The following NCAM2 variants were observed in gnomAD, a reference collection of about 807,000 sequenced individuals.
NCAM2 encodes neural cell adhesion molecule 2.
In NCAM2, 30 loss-of-function variants were observed where a neutral mutation model predicts 98.1. The observed-to-expected ratio is 0.31, with a 90% CI of 0.23 to 0.41. The LOEUF is 0.41. Among genes scored for constraint, NCAM2 ranks in the 10% least tolerant of loss-of-function variants. NCAM2 has a pLI of 1.00. For missense variants in NCAM2, 867 were observed against 1,005.8 expected (o/e 0.86, Z 1.87); for synonymous variants, 368 against 342.4 (o/e 1.07, Z -0.83).
At chr21:21,317,370 CACTT>C (rs1233759130) in intron 5 of NCAM2, among the ~76,000 whole-genome samples, 2 of 152,120 alleles carry the variant, frequency 1.3e-5, no homozygotes, top group Admixed American at 6.6e-5. Flanking sequence ...GAAATCTTCA[CACTT>C]ACTTATACTT....
intron 3 of NCAM2, 143 bp from the exon 4 acceptor site, chr21:21,286,126 C>G: frequency 1.1e-6 from 1 of 871,696 alleles, no homozygotes; most frequent in Non-Finnish European, 1.7e-6. Context: ...AGTAGATTAT[C>G]TAGTTTAAGA....
At chr21:21,533,299 G>C (rs952637795) in intron 16 of NCAM2, among the ~76,000 whole-genome samples, 3 of 150,434 alleles carry the variant, frequency 2.0e-5, no homozygotes, top group Non-Finnish European at 3.0e-5. Flanking sequence ...CCTTCCTCTA[G>C]TCCCTGGCAA....
intron 1 of NCAM2, among the ~76,000 whole-genome samples, chr21:21,142,778 G>T (rs372233975): frequency 1.3e-5 from 2 of 152,100 alleles, no homozygotes; most frequent in East Asian, 1.9e-4. Flanking sequence ...ACACACATCT[G>T]TATTATATGC....
chr21:21,312,141 G>T (rs537339107), intron 5 of NCAM2, among the ~76,000 whole-genome samples: 1 of 152,018 alleles, frequency 6.6e-6, no homozygotes, highest in African/African-American at 2.4e-5. Context: ...TAAATTTTTT[G>T]GCAGGTGTTT....
At chr21:21,122,227 T>G (rs2066691182) in intron 1 of NCAM2, among the ~76,000 whole-genome samples, 1 of 152,228 alleles carries the variant, frequency 6.6e-6, no homozygotes, top group Non-Finnish European at 1.5e-5. Context: ...TATTTTAATA[T>G]ATGATGCCAT....
intron 8 of NCAM2, among the ~76,000 whole-genome samples, chr21:21,358,012 C>G (rs1359901281): frequency 2.0e-5 from 3 of 152,090 alleles, no homozygotes; most frequent in African/African-American, 7.2e-5. Context: ...TACGAAAACG[C>G]ATAGAATTTG....
At chr21:21,013,719 T>A (rs1283724691) in intron 1 of NCAM2, among the ~76,000 whole-genome samples, 1 of 151,600 alleles carries the variant, frequency 6.6e-6, no homozygotes, top group Admixed American at 6.6e-5. Flanking sequence ...AGGCGGAGGT[T>A]GCAGTGAGCT....
intron 1 of NCAM2, among the ~76,000 whole-genome samples, chr21:21,132,539 TACTG>T (rs1243562145): frequency 1.3e-5 from 2 of 152,330 alleles, no homozygotes; most frequent in East Asian, 3.9e-4. Context: ...TATGTGTACA[TACTG>T]AATGGGAGAA....
At chr21:21,104,954 A>G (rs9979231) in intron 1 of NCAM2, among the ~76,000 whole-genome samples, 52,681 of 151,896 alleles carry the variant, frequency 0.35, 12,700 homozygotes, top group African/African-American at 0.69. Context: ...AAAAACTGAA[A>G]TCTCTGCCAA....
intron 5 of NCAM2, among the ~76,000 whole-genome samples, chr21:21,293,786 C>G (rs1269948851): frequency 3.3e-5 from 5 of 151,220 alleles, no homozygotes; most frequent in Admixed American, 3.3e-4. Context: ...ACTTTGTATC[C>G]AAAAAGATTT....
chr21:21,092,570 G>C (rs1177921853), intron 1 of NCAM2, among the ~76,000 whole-genome samples: 1 of 151,860 alleles, frequency 6.6e-6, no homozygotes, highest in Non-Finnish European at 1.5e-5. Context: ...ACACAAGTGA[G>C]TTACATTTTT....
At chr21:21,369,709 CATCTTCTCATG>C (rs1041758218) in intron 8 of NCAM2, among the ~76,000 whole-genome samples, 10 of 151,882 alleles carry the variant, frequency 6.6e-5, no homozygotes, top group Admixed American at 1.3e-4. Context: ...TGAGTTTCAG[CATCTTCTCATG>C]ATCTTATTGG....
chr21:21,462,466 A>G (rs1258575799), intron 12 of NCAM2, among the ~76,000 whole-genome samples: 1 of 152,048 alleles, frequency 6.6e-6, no homozygotes, highest in Non-Finnish European at 1.5e-5. Flanking sequence ...GACAGCCAAC[A>G]GGAAGTAATT....
At chr21:21,142,959 CTCTA>C (rs1309793900) in intron 1 of NCAM2, among the ~76,000 whole-genome samples, 2 of 152,106 alleles carry the variant, frequency 1.3e-5, no homozygotes, top group African/African-American at 4.8e-5. Context: ...AGGGATCTCC[CTCTA>C]TCTTATAGAA....
At chr21:21,062,132 T>G (rs2065335652) in intron 1 of NCAM2, among the ~76,000 whole-genome samples, 1 of 152,156 alleles carries the variant, frequency 6.6e-6, no homozygotes, top group Non-Finnish European at 1.5e-5. Flanking sequence ...GGAGAGGAGC[T>G]TTAAGTGAGT....
intron 17 of NCAM2, among the ~76,000 whole-genome samples, chr21:21,536,361 G>A (rs1182643106): frequency 6.6e-6 from 1 of 150,700 alleles, no homozygotes; most frequent in African/African-American, 2.4e-5. Context: ...TAAGGTTAAA[G>A]TCACAGAGAT....
intron 4 of NCAM2, among the ~76,000 whole-genome samples, chr21:21,287,120 T>TATAAC (rs2073131251): frequency 6.6e-6 from 1 of 152,038 alleles, no homozygotes. Flanking sequence ...TTGCTTACAT[T>TATAAC]ATGTTCCTTT....
At chr21:21,153,673 C>A (rs2067518043) in intron 1 of NCAM2, among the ~76,000 whole-genome samples, 1 of 151,636 alleles carries the variant, frequency 6.6e-6, no homozygotes, top group Non-Finnish European at 1.5e-5. Flanking sequence ...AACAATGGAA[C>A]CAAAATTTGC....
At chr21:21,487,851 A>G (rs1476972284) in intron 15 of NCAM2, among the ~76,000 whole-genome samples, 1 of 152,130 alleles carries the variant, frequency 6.6e-6, no homozygotes, top group East Asian at 1.9e-4. Flanking sequence ...ATTCTTTCCT[A>G]TAAAATGTAT....
Sources: allele counts gnomAD v4.1 joint callset (sites outside exome capture counted in the v4.1 genomes callset), GRCh38; gene constraint gnomAD v4.1.1; transcripts MANE v1.5; gene names NCBI Gene and HGNC (gene_info 2026-07-23, HGNC 2026-07-21).